Variants in PRELID2 observed in about 807,000 individuals in gnomAD.
PRELID2 encodes PRELI domain containing 2, also known as PRELI domain-containing protein 2.
Under a neutral mutation model 28.4 loss-of-function variants are expected in PRELID2, and 25 were observed. The observed-to-expected ratio is 0.88, with a 90% confidence interval of 0.64 to 1.23. The LOEUF (loss-of-function observed/expected upper bound fraction) is 1.23, where lower values mean the gene tolerates loss of function less well. Ranked by LOEUF, PRELID2 falls within the 50% of genes most tolerant of loss-of-function variation. PRELID2 has a pLI of 0.00. For missense variants in PRELID2, 201 were observed against 214.4 expected, an observed-to-expected ratio of 0.94 and a Z score of 0.39; for synonymous variants, 76 against 71.6, an observed-to-expected ratio of 1.06 and a Z score of -0.31.
At chr5:145,821,193 C>CTGTGTGTG (rs67638075) in intron 2 of PRELID2, among the ~76,000 whole-genome samples, 5 of 117,046 alleles carry the variant, frequency 4.3e-5, no homozygotes, top group Non-Finnish European at 7.1e-5. Flanking sequence ...AAGTCCTCTT[C>CTGTGTGTG]TGTGTGTGTG....
At chr5:145,682,289 A>G (rs1754951956) in intron 1 of PRELID2, among the ~76,000 whole-genome samples, 1 of 152,208 alleles carries the variant, frequency 6.6e-6, no homozygotes, top group East Asian at 1.9e-4. Context: ...GGTTGGGAGG[A>G]AAATGTACAG....
At chr5:145,281,078 C>T in the PRELID2 span, among the ~76,000 whole-genome samples, 1 of 152,086 alleles carries the variant, frequency 6.6e-6, no homozygotes, top group African/African-American at 2.4e-5. Context: ...CAGGCTCTCT[C>T]CAAGAAGTAG....
the PRELID2 span, among the ~76,000 whole-genome samples, chr5:145,435,649 G>C: frequency 0.013 from 1,994 of 152,128 alleles, 39 homozygotes; most frequent in African/African-American, 0.045. Flanking sequence ...TTTGTTTTCT[G>C]TGTGCTCTTC....
At chr5:145,810,014 T>C (rs999276149) in intron 4 of PRELID2, among the ~76,000 whole-genome samples, 6 of 152,296 alleles carry the variant, frequency 3.9e-5, no homozygotes, top group East Asian at 3.9e-4. Flanking sequence ...ATACATATAT[T>C]TTAAAGACCA....
intron 2 of PRELID2, among the ~76,000 whole-genome samples, chr5:145,822,633 C>T (rs1312030105): frequency 2.0e-5 from 3 of 152,184 alleles, no homozygotes; most frequent in African/African-American, 7.2e-5. Flanking sequence ...TAATAGGCTA[C>T]AGCCATGTGA....
At chr5:145,240,589 AT>A in the PRELID2 span, among the ~76,000 whole-genome samples, 2 of 152,030 alleles carry the variant, frequency 1.3e-5, no homozygotes, top group Non-Finnish European at 1.5e-5. Context: ...TTGTTTCCAC[AT>A]TTTTGCTATT....
the PRELID2 span, among the ~76,000 whole-genome samples, chr5:145,398,641 G>C: frequency 6.6e-6 from 1 of 151,822 alleles, no homozygotes; most frequent in Non-Finnish European, 1.5e-5. Flanking sequence ...TATGCACTTG[G>C]CCCTTTTCTA....
At chr5:145,244,629 A>G in the PRELID2 span, among the ~76,000 whole-genome samples, 1 of 152,090 alleles carries the variant, frequency 6.6e-6, no homozygotes, top group Non-Finnish European at 1.5e-5. Context: ...CTTCATTTGC[A>G]TTATTCCCCA....
chr5:145,524,982 T>C (rs1752595626), intron 1 of PRELID2, among the ~76,000 whole-genome samples: 1 of 152,184 alleles, frequency 6.6e-6, no homozygotes, highest in Non-Finnish European at 1.5e-5. Context: ...TTTCCTCTCT[T>C]CACTTTAAAA....
intron 1 of PRELID2, among the ~76,000 whole-genome samples, chr5:145,498,323 AATATG>A (rs1752325216): frequency 6.6e-6 from 1 of 152,198 alleles, no homozygotes; most frequent in African/African-American, 2.4e-5. Context: ...AATGCTTAAA[AATATG>A]ATATATGTTA....
intron 1 of PRELID2, among the ~76,000 whole-genome samples, chr5:145,481,650 A>AAAAAAAAAAAAG (rs1752162758): frequency 1.7e-5 from 2 of 117,850 alleles, no homozygotes; most frequent in African/African-American, 3.3e-5. Context: ...AAAAAAAAAA[A>AAAAAAAAAAAAG]AAAGAAAGAA....
At chr5:145,590,630 A>T (rs1753213923) in intron 1 of PRELID2, among the ~76,000 whole-genome samples, 1 of 152,222 alleles carries the variant, frequency 6.6e-6, no homozygotes, top group African/African-American at 2.4e-5. Flanking sequence ...TACCAGTCTT[A>T]CTAAATTGTT....
At chr5:145,306,231 G>A in the PRELID2 span, among the ~76,000 whole-genome samples, 1 of 152,178 alleles carries the variant, frequency 6.6e-6, no homozygotes, top group Non-Finnish European at 1.5e-5. Flanking sequence ...ACTCAGGTTT[G>A]TATGAATATT....
chr5:145,675,958 C>T (rs1314906571), intron 1 of PRELID2, among the ~76,000 whole-genome samples: 5 of 152,332 alleles, frequency 3.3e-5, no homozygotes, highest in South Asian at 2.1e-4. Flanking sequence ...CAGTGGCTCA[C>T]GCCTGTAATC....
intron 5 of PRELID2, among the ~76,000 whole-genome samples, chr5:145,781,299 G>A (rs765375153): frequency 7.2e-5 from 11 of 152,142 alleles, no homozygotes; most frequent in Non-Finnish European, 1.6e-4. Flanking sequence ...TGCTAAACTA[G>A]TAGATGCATC....
intron 1 of PRELID2, among the ~76,000 whole-genome samples, chr5:145,832,463 G>A (rs943512843): frequency 6.6e-6 from 1 of 152,170 alleles, no homozygotes; most frequent in African/African-American, 2.4e-5. Context: ...GGGATTACAG[G>A]AGTGAGCTGC....
intron 1 of PRELID2, among the ~76,000 whole-genome samples, chr5:145,664,586 C>A (rs950381082): frequency 6.6e-6 from 1 of 152,078 alleles, no homozygotes; most frequent in Admixed American, 6.6e-5. Flanking sequence ...AAAGCTCCCG[C>A]TTTTTTAATC....
At chr5:145,695,581 CAG>C (rs1554084112) in intron 1 of PRELID2, among the ~76,000 whole-genome samples, 7 of 152,190 alleles carry the variant, frequency 4.6e-5, no homozygotes, top group Non-Finnish European at 7.3e-5. Flanking sequence ...GGTCCTGGCT[CAG>C]AGTCTCTTGT....
chr5:145,660,884 G>T (rs2149677020), intron 1 of PRELID2, among the ~76,000 whole-genome samples: 1 of 152,322 alleles, frequency 6.6e-6, no homozygotes, highest in South Asian at 2.1e-4. Flanking sequence ...ATTACCGCTT[G>T]AAGTATGTAT....
Sources: allele counts gnomAD v4.1 joint callset (sites outside exome capture counted in the v4.1 genomes callset), GRCh38; gene constraint gnomAD v4.1.1; transcripts MANE v1.5; gene names NCBI Gene and HGNC (gene_info 2026-07-23, HGNC 2026-07-21).